The following FGF14 variants were observed in gnomAD, a reference collection of about 807,000 sequenced individuals.
FGF14 encodes the protein fibroblast growth factor homologous factor 4.
Under a neutral mutation model 25.5 loss-of-function variants are expected in FGF14, and 5 were observed. The observed-to-expected ratio is 0.20, with a 90% confidence interval of 0.10 to 0.41. The LOEUF (loss-of-function observed/expected upper bound fraction) is 0.41, where lower values mean the gene tolerates loss of function less well. Among genes scored for constraint, FGF14 ranks in the 10% least tolerant of loss-of-function variants. The pLI, the probability that FGF14 is intolerant of heterozygous loss-of-function variation, is 1.00. For missense variants in FGF14, 222 were observed against 320.1 expected (o/e 0.69, Z 2.34); for synonymous variants, 138 against 118.3 (o/e 1.17, Z -1.08).
At chr13:102,050,872 G>T (rs1036050218) in intron 1 of FGF14, among the ~76,000 whole-genome samples, 1 of 152,172 alleles carries the variant, frequency 6.6e-6, no homozygotes, top group Middle Eastern at 3.2e-3. Context: ...AAGAAAGGTG[G>T]ACCTATCAAT....
At chr13:101,894,364 C>A (rs1324573909) in intron 1 of FGF14, among the ~76,000 whole-genome samples, 5 of 152,102 alleles carry the variant, frequency 3.3e-5, no homozygotes, top group African/African-American at 1.2e-4. Flanking sequence ...AGAAACACCA[C>A]CTGTATAGGC....
chr13:102,152,375 T>A (rs1249260029), intron 1 of FGF14, among the ~76,000 whole-genome samples: 3 of 152,212 alleles, frequency 2.0e-5, no homozygotes, highest in Non-Finnish European at 2.9e-5. Context: ...AAGATCAAGG[T>A]TGAGGTCTTC....
chr13:102,354,118 C>T (rs1474600621), intron 1 of FGF14: 1 of 152,264 alleles, frequency 6.6e-6, no homozygotes, highest in Non-Finnish European at 1.5e-5. Flanking sequence ...ACCTCCCTCA[C>T]AATTTGCCCA....
At chr13:101,919,426 T>C (rs1356818311), upstream of FGF14, among the ~76,000 whole-genome samples, 4 of 151,970 alleles carry the variant, frequency 2.6e-5, no homozygotes, top group Admixed American at 1.3e-4. Flanking sequence ...TTTTGATGTA[T>C]GTGCCAACAA....
chr13:101,919,273 G>A (rs1486079436), upstream of FGF14, among the ~76,000 whole-genome samples: 2 of 151,872 alleles, frequency 1.3e-5, no homozygotes, highest in African/African-American at 4.8e-5. Context: ...GCAAATGACT[G>A]TAAGATTAAA....
chr13:102,271,376 T>C (rs1537934), intron 1 of FGF14, among the ~76,000 whole-genome samples: 94,503 of 152,000 alleles, frequency 0.62, 30,015 homozygotes, highest in African/African-American at 0.75. Flanking sequence ...GTCACAGCCA[T>C]TCATGTAATT....
intron 1 of FGF14, among the ~76,000 whole-genome samples, chr13:102,392,436 T>C (rs2058454805): frequency 6.6e-6 from 1 of 152,230 alleles, no homozygotes; most frequent in African/African-American, 2.4e-5. Flanking sequence ...AAAGCATTTT[T>C]TCCCAGTCCT....
intron 1 of FGF14, among the ~76,000 whole-genome samples, chr13:102,035,462 T>C (rs1236919354): frequency 6.6e-6 from 1 of 152,126 alleles, no homozygotes; most frequent in African/African-American, 2.4e-5. Context: ...TCTTGGGCTC[T>C]AGCCTGTATA....
At chr13:101,765,699 TTTATTA>T (rs1329517281) in intron 3 of FGF14, among the ~76,000 whole-genome samples, 23 of 150,688 alleles carry the variant, frequency 1.5e-4, no homozygotes, top group East Asian at 5.8e-4. Context: ...AAGCCTTTTA[TTTATTA>T]TTATTATTAT....
chr13:102,217,422 A>T (rs1450349651), intron 1 of FGF14, among the ~76,000 whole-genome samples: 2 of 152,240 alleles, frequency 1.3e-5, no homozygotes, highest in East Asian at 3.8e-4. Context: ...CAAGAATTTA[A>T]CAGACCCAAT....
intron 1 of FGF14, among the ~76,000 whole-genome samples, chr13:102,185,758 T>C (rs573174704): frequency 1.5e-4 from 23 of 152,272 alleles, no homozygotes; most frequent in Non-Finnish European, 2.9e-4. Context: ...AGATTTATGA[T>C]TGGCACAATT....
At chr13:101,964,591 T>A (rs2037070182) in intron 1 of FGF14, among the ~76,000 whole-genome samples, 1 of 152,104 alleles carries the variant, frequency 6.6e-6, no homozygotes, top group Admixed American at 6.5e-5. Flanking sequence ...CCAGAGAGTA[T>A]CACTGAGCCC....
At chr13:102,108,581 G>C (rs1009638720) in intron 1 of FGF14, among the ~76,000 whole-genome samples, 11 of 152,162 alleles carry the variant, frequency 7.2e-5, no homozygotes, top group Non-Finnish European at 1.5e-4. Flanking sequence ...TCTCCCCAAA[G>C]GTTAGGTGTA....
chr13:101,783,473 A>G (rs1008460956), intron 3 of FGF14, among the ~76,000 whole-genome samples: 1 of 151,762 alleles, frequency 6.6e-6, no homozygotes, highest in Non-Finnish European at 1.5e-5. Flanking sequence ...TGTCTCAAAA[A>G]AAAAAAAAAG....
chr13:102,151,722 G>A (rs984939997), intron 1 of FGF14, among the ~76,000 whole-genome samples: 1 of 151,996 alleles, frequency 6.6e-6, no homozygotes, highest in Non-Finnish European at 1.5e-5. Flanking sequence ...GGCTGGTCTC[G>A]AACTGCTGAG....
intron 1 of FGF14, among the ~76,000 whole-genome samples, chr13:102,113,148 C>T (rs2045312431): frequency 6.6e-6 from 1 of 152,160 alleles, no homozygotes; most frequent in African/African-American, 2.4e-5. Context: ...GATCTAAGTT[C>T]TATTAACAAG....
rs2046631135 is a variant in FGF14, at chr13:102,141,249, G to A, written c.208+260222C>T. ...AATGGACGTGTTGAATGAAGGCAGT[G>A]ACTGTTTCAGAGACACGAAACAGAA... On this transcript the variant is annotated intron_variant, in intron 1 of 4. Transcript: ENST00000376131. Among the ~76,000 whole-genome samples the A allele has an allele frequency of 2.6e-5, 4 of 152,190 alleles. No homozygotes were observed. The South Asian group carries it at 8.3e-4, about 32-fold the overall frequency.
chr13:101,784,836 A>C (rs531538513), intron 3 of FGF14, among the ~76,000 whole-genome samples: 2 of 152,208 alleles, frequency 1.3e-5, no homozygotes, highest in African/African-American at 2.4e-5. Context: ...GCTTTGGTGC[A>C]GCACTCATAT....
At chr13:102,246,456 G>A (rs957146866) in intron 1 of FGF14, among the ~76,000 whole-genome samples, 4 of 152,098 alleles carry the variant, frequency 2.6e-5, no homozygotes, top group East Asian at 3.9e-4. Context: ...ATATCCCAAC[G>A]CCATGCAAAA....
Sources: gnomAD v4.1 joint callset for allele counts (sites outside exome capture counted in the v4.1 genomes callset) on GRCh38, gnomAD v4.1.1 for gene constraint, MANE v1.5 for transcripts, NCBI Gene and HGNC (gene_info 2026-07-23, HGNC 2026-07-21) for gene names.